ARMH3: variants seen among roughly 807,000 people sequenced by gnomAD.
ARMH3 encodes the protein armadillo-like helical domain-containing protein 3.
ARMH3 carries 60 observed loss-of-function variants against 99.1 expected under a neutral mutation model. That is an observed-to-expected ratio of 0.61 (90% confidence interval 0.49 to 0.75). The LOEUF (loss-of-function observed/expected upper bound fraction) is 0.75. Ranked by LOEUF, ARMH3 falls within the 30% of genes least tolerant of loss-of-function variation. The pLI, the probability that ARMH3 is intolerant of heterozygous loss-of-function variation, is 0.00. For missense variants in ARMH3, 679 were observed against 843.1 expected (o/e 0.81, Z 2.41); for synonymous variants, 285 against 292.8 (o/e 0.97, Z 0.27).
At chr10:101,958,239 G>A (rs535156590) in intron 20 of ARMH3, among the ~76,000 whole-genome samples, 1 of 151,996 alleles carries the variant, frequency 6.6e-6, no homozygotes, top group African/African-American at 2.4e-5. Flanking sequence ...TCTAGATGAG[G>A]AGAGCTCATA....
intron 24 of ARMH3, among the ~76,000 whole-genome samples, chr10:101,866,333 G>A (rs1327989661): frequency 6.6e-6 from 1 of 152,088 alleles, no homozygotes; most frequent in African/African-American, 2.4e-5. Context: ...AAAGTGCCAT[G>A]AGAGAGACTG....
chr10:101,954,835 C>T (rs1329353465), intron 22 of ARMH3, among the ~76,000 whole-genome samples: 2 of 152,072 alleles, frequency 1.3e-5, no homozygotes, highest in Admixed American at 1.3e-4. Context: ...ATTTTTACTC[C>T]CTTGGCAGAT....
chr10:101,901,854 G>A (rs376344475), intron 23 of ARMH3, among the ~76,000 whole-genome samples: 8 of 152,184 alleles, frequency 5.3e-5, no homozygotes, highest in East Asian at 1.9e-4. Flanking sequence ...GTATTGAACC[G>A]TTCTGCCTAA....
At position 101,887,454 on chromosome 10, in the gene ARMH3, A is replaced by G. The variant is rs1437671174; in HGVS notation, c.1860+1958T>C. On this transcript the variant is annotated intron_variant, in intron 24 of 25. Coordinates refer to ENST00000370033, the MANE Select transcript of ARMH3 (RefSeq NM_024541.3). ...AGGGTCTCATTGTCACCCAGGCTGG[A>G]GTGCAGTGGCATGATCACAGCTTAC... Among the ~76,000 whole-genome samples the G allele has an allele frequency of 2.0e-5, 3 of 151,982 alleles. No homozygotes were observed. In the East Asian group the frequency reaches 5.8e-4, roughly 29 times the overall value.
intron 24 of ARMH3, among the ~76,000 whole-genome samples, chr10:101,857,819 C>T (rs1219706129): frequency 6.6e-6 from 1 of 152,212 alleles, no homozygotes; most frequent in Non-Finnish European, 1.5e-5. Context: ...AAGGTCTTAT[C>T]TTTTATTTCC....
At chr10:101,990,499 A>C in intron 19 of ARMH3, 52 bp downstream of exon 19, 1 of 1,387,812 alleles carries the variant, frequency 7.2e-7, no homozygotes, top group Non-Finnish European at 1.0e-6. Flanking sequence ...TCTAACATTC[A>C]GTTCTTTAAA....
At chr10:101,991,460 A>T (rs995817699) in intron 18 of ARMH3, among the ~76,000 whole-genome samples, 1 of 152,172 alleles carries the variant, frequency 6.6e-6, no homozygotes, top group Admixed American at 6.5e-5. Context: ...GGCTCACTGC[A>T]ACCTCTGCCT....
intron 24 of ARMH3, among the ~76,000 whole-genome samples, chr10:101,871,428 T>C (rs1335825156): frequency 6.6e-6 from 1 of 152,144 alleles, no homozygotes; most frequent in Non-Finnish European, 1.5e-5. Flanking sequence ...ATTATAGACA[T>C]ACAATAATCA....
At chr10:101,869,915 C>T (rs2135359694) in intron 24 of ARMH3, among the ~76,000 whole-genome samples, 1 of 152,252 alleles carries the variant, frequency 6.6e-6, no homozygotes, top group East Asian at 1.9e-4. Flanking sequence ...AGCCTGTAGT[C>T]CCAGATACTC....
chr10:101,872,885 G>A (rs1014551968), intron 24 of ARMH3, among the ~76,000 whole-genome samples: 5 of 151,716 alleles, frequency 3.3e-5, no homozygotes, highest in African/African-American at 1.2e-4. Flanking sequence ...TTGAACCCAG[G>A]AGGTGAAGAT....
At chr10:101,908,655 TTTC>T (rs1842735713) in intron 23 of ARMH3, among the ~76,000 whole-genome samples, 1 of 151,418 alleles carries the variant, frequency 6.6e-6, no homozygotes, top group Admixed American at 6.6e-5. Context: ...CTGTGGGTTT[TTTC>T]TTTTTCTTTT....
At chr10:101,960,911 A>C (rs184838571) in intron 20 of ARMH3, among the ~76,000 whole-genome samples, 5 of 151,384 alleles carry the variant, frequency 3.3e-5, no homozygotes, top group Non-Finnish European at 7.4e-5. Flanking sequence ...AAAAAAAAGA[A>C]GATTAAACAA....
intron 1 of ARMH3, among the ~76,000 whole-genome samples, chr10:102,053,287 C>G (rs1413970411): frequency 6.6e-6 from 1 of 151,266 alleles, no homozygotes; most frequent in Non-Finnish European, 1.5e-5. Flanking sequence ...GTCTCACCTC[C>G]TAGCAGTTTC....
At chr10:101,852,176 G>A (rs2066619563) in intron 24 of ARMH3, among the ~76,000 whole-genome samples, 1 of 152,208 alleles carries the variant, frequency 6.6e-6, no homozygotes, top group Non-Finnish European at 1.5e-5. Context: ...AAGTGCCAAA[G>A]GACAAACATC....
chr10:102,040,864 G>A (rs1051590520), intron 1 of ARMH3, among the ~76,000 whole-genome samples: 1 of 151,968 alleles, frequency 6.6e-6, no homozygotes, highest in Admixed American at 6.6e-5. Flanking sequence ...GCAGACTGAT[G>A]TGCTTCATTG....
chr10:101,861,729 CAA>C (rs35593972), intron 24 of ARMH3, among the ~76,000 whole-genome samples: 6 of 44,136 alleles, frequency 1.4e-4, no homozygotes, highest in South Asian at 1.0e-3. Flanking sequence ...GACTCCGTCT[CAA>C]AAAAAAAAAA....
intron 5 of ARMH3, 116 bp from the exon 6 acceptor site, chr10:102,025,364 A>G: frequency 1.4e-6 from 1 of 739,916 alleles, no homozygotes; most frequent in Middle Eastern, 2.5e-4. Context: ...CAACAACATC[A>G]TTTCCTTAGG....
intron 22 of ARMH3, 35 bp from the exon 23 acceptor site, chr10:101,939,973 C>A: frequency 1.3e-6 from 2 of 1,582,850 alleles, no homozygotes; most frequent in Non-Finnish European, 8.7e-7. Context: ...TCTGTCAAAC[C>A]CCCGGCATAA....
At chr10:101,980,078 C>G (rs140096730) in intron 19 of ARMH3, among the ~76,000 whole-genome samples, 2 of 152,190 alleles carry the variant, frequency 1.3e-5, no homozygotes, top group African/African-American at 4.8e-5. Flanking sequence ...CTGTACCCCT[C>G]TGGAACTCCA....
Sources: gnomAD v4.1 joint callset for allele counts (sites outside exome capture counted in the v4.1 genomes callset) on GRCh38, gnomAD v4.1.1 for gene constraint, MANE v1.5 for transcripts, NCBI Gene and HGNC (gene_info 2026-07-23, HGNC 2026-07-21) for gene names.